NALF1: variants seen among roughly 807,000 people sequenced by gnomAD.
NALF1 encodes NALCN channel auxiliary factor 1, also known as family with sequence similarity 155 member A.
A neutral mutation model predicts 48.4 loss-of-function variants in NALF1; 3 were observed. That is an observed-to-expected ratio of 0.06 (90% CI 0.03 to 0.16). NALF1 has a LOEUF of 0.16. NALF1 is among the 10% of genes least tolerant of loss of function. The pLI is 1.00. For synonymous variants in NALF1, 262 were observed against 245.7 expected (o/e 1.07, Z -0.62); for missense variants, 526 against 571.5 (o/e 0.92, Z 0.81).
chr13:107,618,771 A>C (rs899464430), intron 1 of NALF1, among the ~76,000 whole-genome samples: 6 of 152,106 alleles, frequency 3.9e-5, no homozygotes, highest in Non-Finnish European at 8.8e-5. Flanking sequence ...TAGGGATACG[A>C]GGGATATTGG....
chr13:107,682,601 T>G (rs963240928), intron 1 of NALF1, among the ~76,000 whole-genome samples: 56 of 152,212 alleles, frequency 3.7e-4, no homozygotes, highest in African/African-American at 1.2e-3. Flanking sequence ...TCCACTCTTT[T>G]TTTTTTCCAT....
chr13:107,464,704 G>C (rs535460737), intron 1 of NALF1, among the ~76,000 whole-genome samples: 2 of 152,078 alleles, frequency 1.3e-5, no homozygotes, highest in Admixed American at 6.5e-5. Context: ...ATTTTTAGTA[G>C]AGACAGGTTT....
At chr13:107,578,298 C>A (rs1878210609) in intron 1 of NALF1, among the ~76,000 whole-genome samples, 1 of 152,084 alleles carries the variant, frequency 6.6e-6, no homozygotes, top group Non-Finnish European at 1.5e-5. Context: ...CCCTCATGGA[C>A]AATTTTTCTA....
chr13:107,785,698 T>C (rs1878051068), intron 1 of NALF1, among the ~76,000 whole-genome samples: 1 of 152,138 alleles, frequency 6.6e-6, no homozygotes, highest in African/African-American at 2.4e-5. Flanking sequence ...ACCTGTGGGA[T>C]AAAAAAGAGA....
intron 1 of NALF1, among the ~76,000 whole-genome samples, chr13:107,609,810 T>A (rs1256228990): frequency 1.3e-5 from 2 of 152,222 alleles, no homozygotes; most frequent in Non-Finnish European, 1.5e-5. Context: ...AATGCATGTA[T>A]ATCCACATCA....
intron 1 of NALF1, among the ~76,000 whole-genome samples, chr13:107,521,942 TACACAC>T (rs371749390): frequency 6.8e-6 from 1 of 146,250 alleles, no homozygotes; most frequent in Non-Finnish European, 1.5e-5. Flanking sequence ...CACACACACA[TACACAC>T]ACACACACAC....
chr13:107,443,232 T>C (rs144210734), intron 1 of NALF1, among the ~76,000 whole-genome samples: 126 of 151,860 alleles, frequency 8.3e-4, no homozygotes, highest in African/African-American at 2.7e-3. Flanking sequence ...ATATGTAAGT[T>C]TGAGACGGAG....
At chr13:107,347,681 A>G (rs985559125) in intron 1 of NALF1, among the ~76,000 whole-genome samples, 23 of 152,232 alleles carry the variant, frequency 1.5e-4, no homozygotes, top group Non-Finnish European at 2.6e-4. Context: ...CGCAAAAGAA[A>G]AAGTCTGTGT....
intron 1 of NALF1, among the ~76,000 whole-genome samples, chr13:107,692,320 A>T (rs1881586678): frequency 6.6e-6 from 1 of 152,212 alleles, no homozygotes; most frequent in Non-Finnish European, 1.5e-5. Context: ...AGTACATCTA[A>T]AATAGAATGG....
chr13:107,582,246 A>G (rs1365968264), intron 1 of NALF1, among the ~76,000 whole-genome samples: 2 of 152,246 alleles, frequency 1.3e-5, no homozygotes, highest in Admixed American at 6.5e-5. Context: ...TAAGAAAGGC[A>G]TAGGGCAGAA....
chr13:107,860,263 G>A (rs150745487), intron 1 of NALF1, among the ~76,000 whole-genome samples: 12 of 152,112 alleles, frequency 7.9e-5, no homozygotes, highest in Admixed American at 1.3e-4. Flanking sequence ...ATAGAAATTC[G>A]TTCCCTGCCC....
chr13:107,860,298 C>A (rs939167000), intron 1 of NALF1, among the ~76,000 whole-genome samples: 4 of 152,168 alleles, frequency 2.6e-5, no homozygotes, highest in South Asian at 2.1e-4. Flanking sequence ...ACTGCCATTA[C>A]CACTTTTTAA....
chr13:107,840,547 T>G (rs963213825), intron 1 of NALF1, among the ~76,000 whole-genome samples: 5 of 152,148 alleles, frequency 3.3e-5, no homozygotes, highest in Admixed American at 1.3e-4. Context: ...TGCCTTCCAT[T>G]TAAGATGATC....
At position 107,390,878 on chromosome 13, in the gene NALF1, TA is replaced by T. The variant is rs1566322382; in HGVS notation, c.916-180124del. Among the ~76,000 whole-genome samples, 42 of 53,134 alleles carry T rather than the reference TA, an allele frequency of 7.9e-4. 1 individual carries two copies. The South Asian group carries it at 0.023, about 29-fold the overall frequency. 34.9% of individuals were successfully genotyped at this position (53,134 alleles called of 152,430 possible). A position where few individuals can be genotyped will look rare whatever the true frequency, so the allele number is the denominator to read the frequency against. ...AAGTCAAGACCTGCAGCCAGAAGGT[TA>T]ATAATAATAATAATAATAATAATAA... is the stretch of plus-strand genomic sequence containing the variant. On this transcript the variant is annotated intron_variant, in intron 1 of 2. Coordinates refer to ENST00000375915, the MANE Select transcript of NALF1 (RefSeq NM_001080396.3).
chr13:107,275,090 T>A (rs1180009435), intron 1 of NALF1, among the ~76,000 whole-genome samples: 1 of 152,318 alleles, frequency 6.6e-6, no homozygotes, highest in South Asian at 2.1e-4. Context: ...ATGATACGTA[T>A]AAGACATGCA....
chr13:107,552,368 C>T (rs1031427020), intron 1 of NALF1, among the ~76,000 whole-genome samples: 3 of 152,012 alleles, frequency 2.0e-5, no homozygotes, highest in African/African-American at 7.2e-5. Flanking sequence ...AATATGATAT[C>T]GTTATTTAAG....
intron 2 of NALF1, among the ~76,000 whole-genome samples, chr13:107,176,552 G>T (rs1878939184): frequency 1.3e-5 from 2 of 151,932 alleles, no homozygotes; most frequent in African/African-American, 4.8e-5. Flanking sequence ...TGAGGCAGGA[G>T]AATGGCGTGA....
At chr13:107,470,761 G>A (rs75244278) in intron 1 of NALF1, among the ~76,000 whole-genome samples, 2,359 of 152,052 alleles carry the variant, frequency 0.016, 33 homozygotes, top group South Asian at 0.042. Context: ...GAAATGTTTT[G>A]GAGTCAGATA....
intron 1 of NALF1, among the ~76,000 whole-genome samples, chr13:107,613,645 A>G (rs1879300620): frequency 1.3e-5 from 2 of 152,190 alleles, no homozygotes; most frequent in Non-Finnish European, 2.9e-5. Flanking sequence ...ACAAATCACT[A>G]CTTTATCTGT....
Sources: allele counts gnomAD v4.1 joint callset (sites outside exome capture counted in the v4.1 genomes callset), GRCh38; gene constraint gnomAD v4.1.1; transcripts MANE v1.5; gene names NCBI Gene and HGNC (gene_info 2026-07-23, HGNC 2026-07-21).